Variants in XG observed in about 807,000 individuals in gnomAD.
XG encodes Xg glycoprotein (Xg blood group), also known as glycoprotein Xg.
Under a neutral mutation model 25.7 loss-of-function variants are expected in XG, and 24 were observed. The ratio of observed to expected loss-of-function variants is 0.93; its 90% confidence interval spans 0.68 to 1.31. The LOEUF is 1.31. Ranked by LOEUF, XG falls within the 40% of genes most tolerant of loss-of-function variation. The pLI, the probability that XG is intolerant of heterozygous loss-of-function variation, is 0.00. For synonymous variants in XG, 77 were observed against 69.2 expected, an observed-to-expected ratio of 1.11 and a Z score of -0.56; for missense variants, 181 against 187.6, an observed-to-expected ratio of 0.96 and a Z score of 0.21.
At chrX:2,807,040 G>A (rs1241765918) in intron 8 of XG, among the ~76,000 whole-genome samples, 1 of 112,898 alleles carries the variant, frequency 8.9e-6, no homozygotes, top group Non-Finnish European at 1.9e-5. Flanking sequence ...ATGCTTGTGT[G>A]TATTGTGTGT....
At chrX:2,813,131 C>T (rs1304557307) in intron 10 of XG, among the ~76,000 whole-genome samples, 1 of 111,130 alleles carries the variant, frequency 9.0e-6, no homozygotes, top group Non-Finnish European at 1.9e-5. Flanking sequence ...TCTTTCATGC[C>T]TTTTGGCTGC....
rs906325129 is a variant in XG at position 2,759,944 on chromosome X, A to G, written c.61+7609A>G. Among the ~76,000 whole-genome samples the G allele has an allele frequency of 9.9e-4, 132 of 133,520 alleles. 1 individual carries two copies. Among genetic ancestry groups the G allele is most frequent in the Non-Finnish European group, 1.1e-3 (67 of 63,404 alleles). The allele number at this position is 133,520 out of a possible 152,430, so 87.6% of individuals were successfully genotyped here. A position where few individuals can be genotyped will look rare whatever the true frequency, so the allele number is the denominator to read the frequency against. ...AGTCTGTGAATCCCAACCTCTGGGA[A>G]TGCTTCAGAATCAGATTCTGGGCTG... On this transcript the variant is annotated intron_variant, in intron 1 of 10. Coordinates refer to ENST00000644266, the MANE Select transcript of XG (RefSeq NM_001141919.2).
At chrX:2,769,381 T>C (rs1347039858) in intron 1 of XG, among the ~76,000 whole-genome samples, 2 of 152,232 alleles carry the variant, frequency 1.3e-5, no homozygotes, top group African/African-American at 4.8e-5. Context: ...ATTCTGACTC[T>C]GCTCCTGCCT....
At position 2,752,230 on chromosome X, in the gene XG, C is replaced by A. The variant is rs367576733; in HGVS notation, c.-45C>A. 64 of 1,612,868 alleles carry A rather than the reference C, an allele frequency of 4.0e-5. No individual in the cohort carries two copies. The African/African-American group carries it at 8.0e-4, about 20-fold the overall frequency. On this transcript the variant is annotated 5_prime_UTR_variant, in exon 1 of 11. Transcript: ENST00000644266. ...TGGAGAGGCCGGGTCTCACAATCCG[C>A]TTGGCTGGGGAGTCCACTGAGGTTC...
chrX:2,810,371 G>A (rs2087043119), intron 9 of XG, among the ~76,000 whole-genome samples: 1 of 111,329 alleles, frequency 9.0e-6, no homozygotes, highest in Non-Finnish European at 1.9e-5. Flanking sequence ...TTGCCATCGA[G>A]GCATTGAGGA....
chrX:2,775,302 G>C (rs1050496995), intron 3 of XG, among the ~76,000 whole-genome samples: 3 of 152,198 alleles, frequency 2.0e-5, no homozygotes, highest in African/African-American at 7.2e-5. Flanking sequence ...GCCTTGAAGA[G>C]GAATGAAGCA....
intron 3 of XG, among the ~76,000 whole-genome samples, chrX:2,780,964 C>G (rs1215960521): frequency 6.6e-6 from 1 of 152,026 alleles, no homozygotes; most frequent in African/African-American, 2.4e-5. Flanking sequence ...CAGTTCCCAG[C>G]TGGACTTTTC....
At chrX:2,805,380 A>G (rs1219055923) in intron 7 of XG, among the ~76,000 whole-genome samples, 2 of 112,215 alleles carry the variant, frequency 1.8e-5, no homozygotes, top group African/African-American at 6.5e-5. Context: ...GGAGGCTGGA[A>G]GTCTGAGATC....
At chrX:2,755,624 C>T (rs2050417658) in intron 1 of XG, among the ~76,000 whole-genome samples, 1 of 152,080 alleles carries the variant, frequency 6.6e-6, no homozygotes, top group African/African-American at 2.4e-5. Context: ...AAGATGGAGT[C>T]GCTCTGGTTC....
intron 1 of XG, among the ~76,000 whole-genome samples, chrX:2,764,573 C>T (rs2050633360): frequency 6.6e-6 from 1 of 151,836 alleles, no homozygotes; most frequent in South Asian, 2.1e-4. Flanking sequence ...TCTCGGGGTC[C>T]CTGTGCCAGC....
chrX:2,772,745 A>T (rs960186851), intron 2 of XG, among the ~76,000 whole-genome samples: 19 of 152,182 alleles, frequency 1.2e-4, no homozygotes, highest in African/African-American at 4.3e-4. Flanking sequence ...ACATAAATAA[A>T]CTTATTTTCC....
At chrX:2,783,906 G>A (rs1056483392) in intron 4 of XG, among the ~76,000 whole-genome samples, 1 of 112,050 alleles carries the variant, frequency 8.9e-6, no homozygotes, top group African/African-American at 3.2e-5. Context: ...ATCCAGGAGA[G>A]GAAGGTTACA....
chrX:2,777,592 C>G (rs1367396073), intron 3 of XG, among the ~76,000 whole-genome samples: 1 of 148,492 alleles, frequency 6.7e-6, no homozygotes, highest in African/African-American at 2.5e-5. Context: ...GGCTTTGTCT[C>G]AAAAATAAAA....
Position 2,752,300 on chromosome X carries a change from G to A in XG, c.26G>A (p.Cys9Tyr), listed in dbSNP as rs2050347428. The stretch of plus-strand genomic sequence containing the variant: ...ATGGAGAGCTGGTGGGGACTTCCCT[G>A]TCTTGCGTTCCTGTGTTTTCTAATG... Reference protein sequence around the residue: MESWWGLPCLAFLCFLMHA... With the variant: MESWWGLPYLAFLCFLMHA... Residue 9 changes from cysteine (C) to tyrosine (Y), a missense_variant, in exon 1 of 11, where the codon TGT becomes TAT. Transcript: ENST00000644266. 1 of 1,613,720 alleles carries A rather than the reference G, an allele frequency of 6.2e-7. No homozygotes were observed. The highest frequency in any genetic ancestry group is 8.5e-7 in the Non-Finnish European group (1 of 1,179,878).
intron 7 of XG, among the ~76,000 whole-genome samples, chrX:2,801,480 C>G (rs764259912): frequency 2.3e-4 from 25 of 111,062 alleles, no homozygotes; most frequent in Non-Finnish European, 4.3e-4. Flanking sequence ...GGTATGACTT[C>G]TACATAGTGC....
intron 2 of XG, among the ~76,000 whole-genome samples, chrX:2,772,529 G>A (rs1412140663): frequency 6.6e-6 from 1 of 152,168 alleles, no homozygotes; most frequent in Non-Finnish European, 1.5e-5. Context: ...GACAGAAAGT[G>A]GATTAGCGAT....
intron 6 of XG, 32 bp downstream of exon 6, chrX:2,794,635 T>A: frequency 8.3e-7 from 1 of 1,201,222 alleles, no homozygotes; most frequent in Non-Finnish European, 1.1e-6. Flanking sequence ...ATGCGACACA[T>A]TGAATTTGCA....
intron 7 of XG, among the ~76,000 whole-genome samples, chrX:2,806,130 C>T (rs1056683291): frequency 9.0e-6 from 1 of 111,327 alleles, no homozygotes; most frequent in African/African-American, 3.3e-5. Context: ...TGGGCTCAAG[C>T]AATCTTTTGC....
intron 7 of XG, among the ~76,000 whole-genome samples, chrX:2,805,774 G>A (rs1310658258): frequency 4.5e-5 from 5 of 111,291 alleles, no homozygotes; most frequent in African/African-American, 1.6e-4. Flanking sequence ...TATTGGATTA[G>A]GGCCCACCCT....
Sources: allele counts gnomAD v4.1 joint callset (sites outside exome capture counted in the v4.1 genomes callset), GRCh38; gene constraint gnomAD v4.1.1; transcripts MANE v1.5; gene names NCBI Gene and HGNC (gene_info 2026-07-23, HGNC 2026-07-21).